Variants in ZNF331 observed in about 807,000 individuals in gnomAD.
The protein encoded by ZNF331 is zinc finger protein 331.
ZNF331 carries 2 observed loss-of-function variants against 7.0 expected under a neutral mutation model. That is an observed-to-expected ratio of 0.29 (90% CI 0.12 to 0.90). The LOEUF (loss-of-function observed/expected upper bound fraction) is 0.90. ZNF331 is among the 40% of genes least tolerant of loss of function. ZNF331 has a pLI of 0.58. For synonymous variants in ZNF331, 196 were observed against 205.4 expected, an observed-to-expected ratio of 0.95 and a Z score of 0.39; for missense variants, 432 against 587.7, an observed-to-expected ratio of 0.74 and a Z score of 2.74.
upstream of ZNF331, among the ~76,000 whole-genome samples, chr19:53,533,949 T>C (rs947351210): frequency 1.3e-5 from 2 of 152,208 alleles, no homozygotes; most frequent in Non-Finnish European, 2.9e-5. Context: ...AAATATAGAA[T>C]GGTATATGTG....
rs915474855 is a variant in ZNF331, at chr19:53,563,122, A to G, written c.-73-6182A>G. 1.6e-4 allele frequency among the ~76,000 whole-genome samples: 18 copies of G among 110,584 alleles called. No homozygotes were observed. The Admixed American group carries it at 2.2e-3, about 13-fold the overall frequency. 72.5% of individuals were successfully genotyped at this position (110,584 alleles called of 152,430 possible). On this transcript the variant is annotated intron_variant, in intron 3 of 5. Coordinates refer to ENST00000449416, the MANE Select transcript of ZNF331 (RefSeq NM_001079906.2). ...CCCGTCCCCGAGAAGGAGTCTTGCT[A>G]TGTCATCCAGGCTGGAGTGCAAGGG...
At chr19:53,518,259 T>C (rs532717104), upstream of ZNF331, among the ~76,000 whole-genome samples, 61 of 152,278 alleles carry the variant, frequency 4.0e-4, no homozygotes, top group African/African-American at 1.4e-3. Flanking sequence ...CCAGGTTCTT[T>C]GGTCTTTGGA....
In ZNF331 at chr19:53,571,865, A is replaced by G; in HGVS notation, c.136+135A>G. 4.9e-6 allele frequency: 6 copies of G among 1,223,164 alleles called. No individual in the cohort carries two copies. The allele number at this position is 1,223,164 out of a possible 1,614,324, so 75.8% of individuals were successfully genotyped here. On this transcript the variant is annotated intron_variant, in intron 5 of 5. Coordinates refer to ENST00000449416, the MANE Select transcript of ZNF331 (RefSeq NM_001079906.2). The surrounding 1 kb of genome is among the most constrained non-coding windows in gnomAD (Gnocchi z 4.7). ...CCAAGGAATGTATTGAGCCTTATTG[A>G]TGTGGCCGTGAGCACCACAACCTTC...
chr19:53,505,998 A>C, the ZNF331 span, among the ~76,000 whole-genome samples: 2 of 151,766 alleles, frequency 1.3e-5, no homozygotes, highest in African/African-American at 2.4e-5. Context: ...AAGAAAAAGA[A>C]AAGAAAAAAA....
At chr19:53,543,578 T>C (rs1461025312) in intron 2 of ZNF331, among the ~76,000 whole-genome samples, 1 of 152,154 alleles carries the variant, frequency 6.6e-6, no homozygotes, top group Non-Finnish European at 1.5e-5. Context: ...TATTATGAAT[T>C]TTTTAAAAAT....
At chr19:53,564,252 T>C (rs1461597255) in intron 3 of ZNF331, among the ~76,000 whole-genome samples, 1 of 151,638 alleles carries the variant, frequency 6.6e-6, no homozygotes, top group East Asian at 1.9e-4. Flanking sequence ...AACATCTCTG[T>C]CCAGATTATA....
upstream of ZNF331, among the ~76,000 whole-genome samples, chr19:53,519,662 G>A (rs1327204091): frequency 6.6e-6 from 1 of 152,216 alleles, no homozygotes; most frequent in Non-Finnish European, 1.5e-5. Flanking sequence ...AACACTCACA[G>A]AGACATCTGA....
At chr19:53,572,557 T>TAC (rs150161554) in intron 5 of ZNF331, among the ~76,000 whole-genome samples, 14,260 of 92,712 alleles carry the variant, frequency 0.15, 1,385 homozygotes, top group African/African-American at 0.42. Flanking sequence ...ATATTATATA[T>TAC]ACACACACAT....
At chr19:53,546,140 G>GGA (rs551214509) in intron 2 of ZNF331, among the ~76,000 whole-genome samples, 22 of 113,510 alleles carry the variant, frequency 1.9e-4, no homozygotes, top group South Asian at 6.9e-4. Flanking sequence ...TCCTGAGGGG[G>GGA]AAAAAAAAAA....
At chr19:53,576,262 G>A (rs931645974) in intron 5 of ZNF331, among the ~76,000 whole-genome samples, 1 of 152,220 alleles carries the variant, frequency 6.6e-6, no homozygotes, top group Non-Finnish European at 1.5e-5. Context: ...GGGATTACAG[G>A]CGTGATGAGC....
Position 53,571,140 on chromosome 19 carries a change from C to A in ZNF331, c.10-464C>A, listed in dbSNP as rs1369072864. 6.6e-6 allele frequency among the ~76,000 whole-genome samples: 1 copy of A among 152,204 alleles called. No individual in the cohort carries two copies. Among genetic ancestry groups the A allele is most frequent in the Non-Finnish European group, 1.5e-5 (1 of 68,038 alleles). On this transcript the variant is annotated intron_variant, in intron 4 of 5. Transcript: ENST00000449416. This position sits in a 1 kb window ranked among gnomAD's most constrained non-coding sequence, Gnocchi z 4.7. ...TCGTGATCCGCCTGCCTTGGCCTCC[C>A]AAAGTGTTGGGATTACAGGCGTGAG...
At chr19:53,536,904 AAAACAAAC>A (rs917846410), upstream of ZNF331, among the ~76,000 whole-genome samples, 6 of 152,158 alleles carry the variant, frequency 3.9e-5, no homozygotes, top group Non-Finnish European at 7.3e-5. Context: ...ACTCCGTCTC[AAAACAAAC>A]AAACAAACAA....
intron 2 of ZNF331, among the ~76,000 whole-genome samples, chr19:53,540,006 T>A (rs1201692204): frequency 6.6e-6 from 1 of 152,218 alleles, no homozygotes; most frequent in Non-Finnish European, 1.5e-5. Context: ...AGGAAATGCT[T>A]CAGTTGCCTA....
upstream of ZNF331, among the ~76,000 whole-genome samples, chr19:53,536,099 T>C (rs2569561): frequency 0.34 from 52,455 of 152,094 alleles, 9,773 homozygotes; most frequent in African/African-American, 0.49. Context: ...CCACTGCACC[T>C]AGCTGATAAG....
intron 3 of ZNF331, among the ~76,000 whole-genome samples, chr19:53,568,226 C>T (rs756178306): frequency 6.9e-6 from 1 of 145,460 alleles, no homozygotes; most frequent in African/African-American, 2.6e-5. Context: ...GCCTGGGCAA[C>T]AGAGTGAGAC....
intron 2 of ZNF331, among the ~76,000 whole-genome samples, chr19:53,544,825 C>T (rs1657256155): frequency 6.6e-6 from 1 of 150,394 alleles, no homozygotes; most frequent in Admixed American, 6.6e-5. Flanking sequence ...CCTCCACCTT[C>T]TGGGTTCAAG....
Position 53,578,483 on chromosome 19 carries a change from A to G in ZNF331, c.*531A>G, listed in dbSNP as rs372496277. Reference sequence around the variant, plus strand: ...AGATACGTTCACATAATTTTATTACATATATTGTTACAATTGTTCTATTTT... The same window carrying G: ...AGATACGTTCACATAATTTTATTACGTATATTGTTACAATTGTTCTATTTT... On this transcript the variant is annotated 3_prime_UTR_variant, in exon 6 of 6. Coordinates refer to ENST00000449416, the MANE Select transcript of ZNF331 (RefSeq NM_001079906.2). The G allele has an allele frequency of 7.0e-5, 16 of 227,010 alleles. No individual in the cohort carries two copies. In the South Asian group the frequency reaches 2.5e-3, roughly 35 times the overall value. The allele number at this position is 227,010 out of a possible 1,614,324, so 14.1% of individuals were successfully genotyped here.
At chr19:53,557,569 C>T (rs1792659085) in intron 3 of ZNF331, among the ~76,000 whole-genome samples, 1 of 152,160 alleles carries the variant, frequency 6.6e-6, no homozygotes, top group Non-Finnish European at 1.5e-5. Context: ...TGTCAGGTAT[C>T]TTCAGAGGCT....
At chr19:53,513,606 G>A in the ZNF331 span, among the ~76,000 whole-genome samples, 2 of 152,000 alleles carry the variant, frequency 1.3e-5, no homozygotes, top group Non-Finnish European at 2.9e-5. Context: ...GATTTTGATT[G>A]GCATTTTCCA....
Sources: gnomAD v4.1 joint callset for allele counts (sites outside exome capture counted in the v4.1 genomes callset) on GRCh38, gnomAD v4.1.1 for gene constraint, Gnocchi (gnomAD v3.1) non-coding constraint, MANE v1.5 for transcripts, NCBI Gene and HGNC (gene_info 2026-07-23, HGNC 2026-07-21) for gene names.